MROH1: variants seen among roughly 807,000 people sequenced by gnomAD.
The protein encoded by MROH1 is maestro heat like repeat family member 1, also known as maestro heat-like repeat-containing protein family member 1.
MROH1 carries 117 observed loss-of-function variants against 116.5 expected under a neutral mutation model. The observed-to-expected ratio is 1.00, with a 90% CI of 0.86 to 1.17. The LOEUF is 1.17. Ranked by LOEUF, MROH1 falls within the 50% of genes most tolerant of loss-of-function variation. The pLI is 0.00. For missense variants in MROH1, 1,873 were observed against 1,338.5 expected, an observed-to-expected ratio of 1.40 and a Z score of -6.23; for synonymous variants, 921 against 583.9, an observed-to-expected ratio of 1.58 and a Z score of -8.32.
chr8:144,244,078 T>C, intron 26 of MROH1, 136 bp downstream of exon 26: 1 of 703,302 alleles, frequency 1.4e-6, no homozygotes, highest in East Asian at 2.7e-5. Context: ...GCCTTGTGTG[T>C]GCGCATGCTG....
intron 14 of MROH1, among the ~76,000 whole-genome samples, chr8:144,234,718 A>G (rs1338311972): frequency 6.9e-6 from 1 of 145,400 alleles, no homozygotes; most frequent in Non-Finnish European, 1.5e-5. Flanking sequence ...GGGTTTCACC[A>G]TGTTGGCCAG....
chr8:144,155,044 C>T (rs1817704250), intron 1 of MROH1, among the ~76,000 whole-genome samples: 1 of 152,158 alleles, frequency 6.6e-6, no homozygotes, highest in African/African-American at 2.4e-5. Context: ...TCTTGAACTC[C>T]TGACCTCGTG....
chr8:144,217,399 C>T (rs1255667386), intron 12 of MROH1, among the ~76,000 whole-genome samples: 1 of 152,164 alleles, frequency 6.6e-6, no homozygotes, highest in African/African-American at 2.4e-5. Flanking sequence ...GATTCCGTTT[C>T]CAGGAACTCT....
chr8:144,204,744 C>G (rs1208238501), intron 12 of MROH1, among the ~76,000 whole-genome samples: 1 of 152,124 alleles, frequency 6.6e-6, no homozygotes, highest in South Asian at 2.1e-4. Flanking sequence ...TTTTCACTCC[C>G]GTGAAGGATT....
intron 1 of MROH1, among the ~76,000 whole-genome samples, chr8:144,151,068 T>C (rs1475808151): frequency 6.6e-6 from 1 of 151,388 alleles, no homozygotes; most frequent in African/African-American, 2.4e-5. Context: ...GCCAACATGG[T>C]GAAACCCCGT....
Position 144,180,193 on chromosome 8 carries a change from T to C in MROH1, c.316T>C (p.Trp106Arg), listed in dbSNP as rs1469785905. Residue 106 changes from tryptophan to arginine, a missense_variant, in exon 6 of 44, where the codon TGG becomes CGG. Physicochemically the swap from Trp to Arg is moderately radical, Grantham distance 101. Coordinates refer to ENST00000326134, the MANE Select transcript of MROH1 (RefSeq NM_032450.3). This position sits in a 1 kb window ranked among gnomAD's most constrained non-coding sequence, Gnocchi z 7.4. Reference sequence around the variant, plus strand: ...TTGGGTTCAGGACCTGGTCTGGGACTGGCAGCAGGCGGCGAGTGGCGTCCT... The same window carrying C: ...TTGGGTTCAGGACCTGGTCTGGGACCGGCAGCAGGCGGCGAGTGGCGTCCT... Reference protein sequence around the residue: ...MTKTKDLVWDWQQAASGVLVA... With the variant: ...MTKTKDLVWDRQQAASGVLVA... 1.2e-6 allele frequency: 2 copies of C among 1,613,920 alleles called. No individual in the cohort carries two copies. The highest frequency in any genetic ancestry group is 1.7e-6 in the Non-Finnish European group (2 of 1,179,842).
At chr8:144,170,292 C>G (rs1335630101) in intron 4 of MROH1, among the ~76,000 whole-genome samples, 2 of 152,166 alleles carry the variant, frequency 1.3e-5, no homozygotes, top group African/African-American at 4.8e-5. Flanking sequence ...CTGATTTTAC[C>G]CCTTTTCTAA....
At chr8:144,245,705 G>T (rs1375101339) in intron 29 of MROH1, among the ~76,000 whole-genome samples, 1 of 152,082 alleles carries the variant, frequency 6.6e-6, no homozygotes, top group African/African-American at 2.4e-5. Flanking sequence ...TGTTGCCCAG[G>T]CTGGAGTGCA....
chr8:144,149,085 G>A lies in MROH1; in HGVS notation c.-177+1009G>A, dbSNP rs1287306612. Among the ~76,000 whole-genome samples, 5 of 152,124 alleles carry A rather than the reference G, an allele frequency of 3.3e-5. No homozygotes were observed. The East Asian group carries it at 9.6e-4, about 29-fold the overall frequency. On this transcript the variant is annotated intron_variant, in intron 1 of 43. Coordinates refer to ENST00000326134, the MANE Select transcript of MROH1 (RefSeq NM_032450.3). Reference sequence around the variant, plus strand: ...GTTTAGAGCTGTTGGGTCTCAGTGCGATGACCATGGATGGAGATGTCCCGA... The same window carrying A: ...GTTTAGAGCTGTTGGGTCTCAGTGCAATGACCATGGATGGAGATGTCCCGA...
chr8:144,159,226 C>T (rs2130772984), intron 1 of MROH1, among the ~76,000 whole-genome samples: 1 of 152,258 alleles, frequency 6.6e-6, no homozygotes, highest in Admixed American at 6.5e-5. Flanking sequence ...GGTATGGTGG[C>T]CCGTTTCTGT....
intron 28 of MROH1, 90 bp from the exon 29 acceptor site, chr8:144,245,066 C>A (rs1165866796): frequency 7.8e-6 from 6 of 772,936 alleles, no homozygotes; most frequent in East Asian, 2.4e-5. Flanking sequence ...GATGGCCTGG[C>A]AGGGACACTG....
intron 12 of MROH1, among the ~76,000 whole-genome samples, chr8:144,216,324 A>C (rs562032881): frequency 6.6e-6 from 1 of 151,858 alleles, no homozygotes; most frequent in East Asian, 2.0e-4. Context: ...AATACAAAAA[A>C]TTAGCCGGGC....
chr8:144,190,239 C>G (rs1828213440), intron 7 of MROH1, among the ~76,000 whole-genome samples: 1 of 152,174 alleles, frequency 6.6e-6, no homozygotes, highest in South Asian at 2.1e-4. Context: ...TTTTAACAGT[C>G]ACATCTGGCC....
intron 12 of MROH1, among the ~76,000 whole-genome samples, chr8:144,216,006 G>A (rs1835174651): frequency 6.6e-6 from 1 of 151,670 alleles, no homozygotes; most frequent in African/African-American, 2.4e-5. Context: ...CCAACATGGT[G>A]AAACCCCCAT....
intron 32 of MROH1, among the ~76,000 whole-genome samples, chr8:144,249,488 T>C (rs1018535365): frequency 1.3e-5 from 2 of 152,104 alleles, no homozygotes; most frequent in Non-Finnish European, 2.9e-5. Flanking sequence ...GGGGTCACCA[T>C]GGCTGAGGGT....
intron 14 of MROH1, among the ~76,000 whole-genome samples, chr8:144,232,974 GCAC>G (rs1839234733): frequency 6.6e-6 from 1 of 151,838 alleles, no homozygotes; most frequent in African/African-American, 2.4e-5. Flanking sequence ...CCACAGGTGG[GCAC>G]CACCACACCT....
At chr8:144,247,517 G>T in intron 30 of MROH1, 50 bp from the exon 31 acceptor site, 1 of 759,264 alleles carries the variant, frequency 1.3e-6, no homozygotes, top group Non-Finnish European at 2.4e-6. Context: ...CAGGCTGTGG[G>T]ATCGCCAGGG....
intron 12 of MROH1, among the ~76,000 whole-genome samples, chr8:144,204,804 G>A (rs992527239): frequency 1.3e-5 from 2 of 152,146 alleles, no homozygotes; most frequent in Non-Finnish European, 2.9e-5. Flanking sequence ...ATGGGTAAAT[G>A]GCTATATCCA....
chr8:144,192,525 G>A, intron 10 of MROH1, 124 bp downstream of exon 10: 2 of 809,098 alleles, frequency 2.5e-6, no homozygotes, highest in African/African-American at 1.7e-5. Flanking sequence ...TGAGGACTGG[G>A]CATTCCCTGA....
Sources: allele counts gnomAD v4.1 joint callset (sites outside exome capture counted in the v4.1 genomes callset), GRCh38; gene constraint gnomAD v4.1.1; non-coding constraint Gnocchi (gnomAD v3.1); transcripts MANE v1.5; gene names NCBI Gene and HGNC (gene_info 2026-07-23, HGNC 2026-07-21).